Variants in MAML2 observed in about 807,000 individuals in gnomAD.
MAML2 encodes mastermind like transcriptional coactivator 2, also known as mastermind-like protein 2.
In MAML2, 22 loss-of-function variants were observed where a neutral mutation model predicts 96.1. That is an observed-to-expected ratio of 0.23 (90% CI 0.16 to 0.33). The LOEUF is 0.33. Among genes scored for constraint, MAML2 ranks in the 10% least tolerant of loss-of-function variants. The pLI is 1.00. For missense variants in MAML2, 1,367 were observed against 1,392.4 expected (o/e 0.98, Z 0.29); for synonymous variants, 561 against 521.3 (o/e 1.08, Z -1.04).
chr11:96,003,151 G>A (rs1858124139), intron 2 of MAML2, among the ~76,000 whole-genome samples: 1 of 151,284 alleles, frequency 6.6e-6, no homozygotes, highest in African/African-American at 2.4e-5. Context: ...TGATGGGGAT[G>A]AGGAGGATGA....
intron 2 of MAML2, among the ~76,000 whole-genome samples, chr11:96,078,441 A>G (rs1428830428): frequency 1.3e-5 from 2 of 152,202 alleles, no homozygotes; most frequent in African/African-American, 4.8e-5. Context: ...TTCCTACAGG[A>G]AAATCTGTAC....
intron 1 of MAML2, among the ~76,000 whole-genome samples, chr11:96,299,058 A>ATATATATATATATAT (rs61036575): frequency 1.6e-3 from 93 of 57,956 alleles, no homozygotes; most frequent in South Asian, 3.2e-3. Flanking sequence ...AAAAAAAAAA[A>ATATATATATATATAT]AAATATATAT....
At chr11:96,063,517 C>T (rs993324209) in intron 2 of MAML2, among the ~76,000 whole-genome samples, 3 of 152,090 alleles carry the variant, frequency 2.0e-5, no homozygotes, top group African/African-American at 2.4e-5. Flanking sequence ...AACTATGTAT[C>T]GATGAGCATG....
chr11:96,249,078 G>A (rs923036443), intron 1 of MAML2, among the ~76,000 whole-genome samples: 6 of 152,194 alleles, frequency 3.9e-5, no homozygotes, highest in African/African-American at 1.4e-4. Flanking sequence ...ACCTGACTCA[G>A]TGATCAATTA....
intron 1 of MAML2, among the ~76,000 whole-genome samples, chr11:96,251,525 G>A (rs926538289): frequency 5.9e-5 from 9 of 152,284 alleles, no homozygotes; most frequent in East Asian, 3.9e-4. Flanking sequence ...TGCCTGTATT[G>A]TTATTAGTAG....
At chr11:96,165,187 C>T (rs547950395) in intron 1 of MAML2, among the ~76,000 whole-genome samples, 22 of 152,136 alleles carry the variant, frequency 1.4e-4, no homozygotes, top group Non-Finnish European at 3.1e-4. Context: ...TTTCCCTACA[C>T]GTTGCAATTT....
At chr11:96,020,608 C>T (rs749314448) in intron 2 of MAML2, among the ~76,000 whole-genome samples, 21 of 152,132 alleles carry the variant, frequency 1.4e-4, no homozygotes, top group Non-Finnish European at 2.2e-4. Context: ...GCAGTGGATC[C>T]GCAGGCCACG....
intron 2 of MAML2, among the ~76,000 whole-genome samples, chr11:96,076,296 C>A (rs573664666): frequency 8.5e-5 from 13 of 152,238 alleles, no homozygotes; most frequent in Admixed American, 6.5e-4. Context: ...GAGAGACACA[C>A]CAACCTTGGA....
intron 1 of MAML2, among the ~76,000 whole-genome samples, chr11:96,293,480 A>C (rs761684530): frequency 7.2e-5 from 11 of 152,242 alleles, no homozygotes; most frequent in Non-Finnish European, 1.0e-4. Flanking sequence ...AGCATGTTAA[A>C]TCATACAACT....
At chr11:96,196,072 A>T (rs914754241) in intron 1 of MAML2, among the ~76,000 whole-genome samples, 6 of 152,236 alleles carry the variant, frequency 3.9e-5, no homozygotes, top group Non-Finnish European at 5.9e-5. Context: ...TGCAACAAAG[A>T]TGAAGAAACT....
intron 1 of MAML2, among the ~76,000 whole-genome samples, chr11:96,154,996 C>T (rs1322233026): frequency 6.6e-6 from 1 of 152,154 alleles, no homozygotes; most frequent in Non-Finnish European, 1.5e-5. Context: ...TGATCCTCCC[C>T]GTTCTCCCAG....
intron 1 of MAML2, among the ~76,000 whole-genome samples, chr11:96,198,880 C>A (rs1351579801): frequency 5.3e-5 from 8 of 151,958 alleles, no homozygotes; most frequent in Non-Finnish European, 1.2e-4. Flanking sequence ...TCGTGTGTGA[C>A]TTCTGGGAAG....
At chr11:96,255,075 C>T (rs950552187) in intron 1 of MAML2, among the ~76,000 whole-genome samples, 6 of 152,184 alleles carry the variant, frequency 3.9e-5, no homozygotes, top group Non-Finnish European at 5.9e-5. Flanking sequence ...CGCCCACCGC[C>T]TGCCATGGCC....
intron 1 of MAML2, among the ~76,000 whole-genome samples, chr11:96,191,479 A>T (rs940607569): frequency 2.4e-5 from 3 of 124,852 alleles, no homozygotes; most frequent in Non-Finnish European, 5.0e-5. Flanking sequence ...AAATAACAAT[A>T]ATAAAAAAAA....
intron 1 of MAML2, among the ~76,000 whole-genome samples, chr11:96,196,375 T>A (rs1861731599): frequency 6.6e-6 from 1 of 152,228 alleles, no homozygotes; most frequent in African/African-American, 2.4e-5. Context: ...GACCACTGTT[T>A]TGGGCTGCAT....
chr11:96,272,057 T>C (rs11021511), intron 1 of MAML2, among the ~76,000 whole-genome samples: 16,780 of 152,086 alleles, frequency 0.11, 1,134 homozygotes, highest in Admixed American at 0.23. Context: ...CTCCTTCAGG[T>C]CCTTGCTCAA....
At chr11:96,340,114 G>A (rs1863972477) in intron 1 of MAML2, among the ~76,000 whole-genome samples, 1 of 152,186 alleles carries the variant, frequency 6.6e-6, no homozygotes, top group Admixed American at 6.5e-5. Context: ...CAGGGTCTTC[G>A]TCACCATGGA....
intron 1 of MAML2, among the ~76,000 whole-genome samples, chr11:96,095,469 A>G (rs10831480): frequency 0.78 from 118,894 of 152,138 alleles, 46,945 homozygotes; most frequent in Middle Eastern, 0.88. Flanking sequence ...CTGACCCAAG[A>G]CAGGGCAATT....
intron 2 of MAML2, among the ~76,000 whole-genome samples, chr11:96,034,668 A>T (rs1858683854): frequency 6.6e-6 from 1 of 152,196 alleles, no homozygotes; most frequent in African/African-American, 2.4e-5. Context: ...TGATACTTTA[A>T]TCTTTTTTGA....
Sources: gnomAD v4.1 joint callset for allele counts (sites outside exome capture counted in the v4.1 genomes callset) on GRCh38, gnomAD v4.1.1 for gene constraint, MANE v1.5 for transcripts, NCBI Gene and HGNC (gene_info 2026-07-23, HGNC 2026-07-21) for gene names.